Variants in TACR3 observed in about 807,000 individuals in gnomAD.
TACR3 encodes tachykinin receptor 3, also known as neuromedin-K receptor.
A neutral mutation model predicts 35.0 loss-of-function variants in TACR3; 34 were observed. The observed-to-expected ratio is 0.97, with a 90% CI of 0.74 to 1.30. The LOEUF is 1.30. TACR3 is among the 50% of genes most tolerant of loss of function. The pLI, the probability that TACR3 is intolerant of heterozygous loss-of-function variation, is 0.00. For synonymous variants in TACR3, 233 were observed against 221.1 expected (o/e 1.05, Z -0.48); for missense variants, 558 against 591.7 (o/e 0.94, Z 0.59).
At chr4:103,687,706 C>A (rs997002367) in intron 1 of TACR3, among the ~76,000 whole-genome samples, 2 of 152,120 alleles carry the variant, frequency 1.3e-5, no homozygotes, top group African/African-American at 2.4e-5. Flanking sequence ...TGAAGGACCT[C>A]TTCAAGGAGA....
At chr4:103,673,403 T>C (rs769010565) in intron 1 of TACR3, among the ~76,000 whole-genome samples, 4 of 152,260 alleles carry the variant, frequency 2.6e-5, no homozygotes, top group Non-Finnish European at 4.4e-5. Context: ...ATTAATTGGC[T>C]TAATTTCAAC....
At chr4:103,667,979 C>T (rs555755182) in intron 1 of TACR3, among the ~76,000 whole-genome samples, 2 of 152,112 alleles carry the variant, frequency 1.3e-5, no homozygotes, top group South Asian at 4.2e-4. Context: ...GAGGTGTGCC[C>T]CAACACTCCC....
intron 1 of TACR3, among the ~76,000 whole-genome samples, chr4:103,705,432 C>G (rs1482238477): frequency 6.6e-6 from 1 of 152,020 alleles, no homozygotes; most frequent in African/African-American, 2.4e-5. Context: ...TATGTTCAAA[C>G]CAGTATGACA....
At chr4:103,591,916 C>A (rs1723905883) in intron 3 of TACR3, among the ~76,000 whole-genome samples, 1 of 152,152 alleles carries the variant, frequency 6.6e-6, no homozygotes, top group Non-Finnish European at 1.5e-5. Context: ...GTAGTGCTAA[C>A]TCAAACACGG....
At chr4:103,671,843 T>C (rs544143917) in intron 1 of TACR3, among the ~76,000 whole-genome samples, 1 of 152,152 alleles carries the variant, frequency 6.6e-6, no homozygotes, top group African/African-American at 2.4e-5. Context: ...AATAATGAAG[T>C]TTACCACATC....
chr4:103,699,015 C>T (rs1345483908), intron 1 of TACR3, among the ~76,000 whole-genome samples: 2 of 152,164 alleles, frequency 1.3e-5, no homozygotes, highest in Non-Finnish European at 2.9e-5. Flanking sequence ...TAAATACACT[C>T]TCACTTGTTA....
chr4:103,702,139 G>C (rs977835148), intron 1 of TACR3, among the ~76,000 whole-genome samples: 1 of 152,082 alleles, frequency 6.6e-6, no homozygotes, highest in Non-Finnish European at 1.5e-5. Context: ...GAAAATTTTC[G>C]CAACTTACTC....
intron 1 of TACR3, among the ~76,000 whole-genome samples, chr4:103,673,031 C>T (rs1726086709): frequency 6.6e-6 from 1 of 152,160 alleles, no homozygotes; most frequent in Non-Finnish European, 1.5e-5. Context: ...GCTTCTTCAA[C>T]TCTTTGAGCT....
intron 1 of TACR3, among the ~76,000 whole-genome samples, chr4:103,661,081 A>G (rs1015739795): frequency 1.1e-4 from 17 of 152,044 alleles, no homozygotes; most frequent in African/African-American, 4.1e-4. Flanking sequence ...CAAAGACAAT[A>G]TAGATACAGA....
At chr4:103,602,533 T>A (rs1724233921) in intron 3 of TACR3, among the ~76,000 whole-genome samples, 1 of 152,120 alleles carries the variant, frequency 6.6e-6, no homozygotes, top group African/African-American at 2.4e-5. Context: ...CCACCTTTGA[T>A]CTTTGATGAT....
intron 2 of TACR3, among the ~76,000 whole-genome samples, chr4:103,657,508 A>C (rs909467858): frequency 6.6e-6 from 1 of 152,084 alleles, no homozygotes; most frequent in Non-Finnish European, 1.5e-5. Flanking sequence ...ACTGCTTTAA[A>C]TGGCAACCAT....
At chr4:103,613,447 G>A (rs757987356) in intron 3 of TACR3, among the ~76,000 whole-genome samples, 22 of 151,792 alleles carry the variant, frequency 1.4e-4, no homozygotes, top group Non-Finnish European at 2.8e-4. Flanking sequence ...AACTTCCCGA[G>A]TAGCTGGGAT....
chr4:103,597,966 C>A (rs1724080496), intron 3 of TACR3, among the ~76,000 whole-genome samples: 1 of 152,056 alleles, frequency 6.6e-6, no homozygotes, highest in Admixed American at 6.6e-5. Context: ...GGGGATATAC[C>A]CAGTAATGGG....
intron 3 of TACR3, among the ~76,000 whole-genome samples, chr4:103,620,598 A>C (rs1208252171): frequency 6.6e-6 from 1 of 152,238 alleles, no homozygotes; most frequent in African/African-American, 2.4e-5. Context: ...CTTTGCAGGG[A>C]CATGGATGAT....
chr4:103,681,412 A>G (rs529328001), intron 1 of TACR3, among the ~76,000 whole-genome samples: 229 of 152,190 alleles, frequency 1.5e-3, no homozygotes, highest in Admixed American at 3.0e-3. Flanking sequence ...GAAATCATAG[A>G]TCATAAAATT....
Position 103,589,489 on chromosome 4 carries a change from T to C in TACR3, c.*193A>G, listed in dbSNP as rs916335384. 1.4e-5 allele frequency: 8 copies of C among 585,018 alleles called. No individual in the cohort carries two copies. The highest frequency in any genetic ancestry group is 3.0e-6 in the Non-Finnish European group (1 of 337,382). The allele number at this position is 585,018 out of a possible 1,614,324, so 36.2% of individuals were successfully genotyped here. ...GAATAAATTTAAAGCCCATTTTATTTTGGGTGGAGGCTAACATGTTATTAG... is the reference window on the plus strand; with the variant it reads ...GAATAAATTTAAAGCCCATTTTATTCTGGGTGGAGGCTAACATGTTATTAG... On this transcript the variant is annotated 3_prime_UTR_variant, in exon 5 of 5. Coordinates refer to ENST00000304883, the MANE Select transcript of TACR3 (RefSeq NM_001059.3).
chr4:103,646,461 TAA>T (rs1725456789), intron 3 of TACR3, among the ~76,000 whole-genome samples: 1 of 152,060 alleles, frequency 6.6e-6, no homozygotes, highest in Admixed American at 6.6e-5. Context: ...TTTATAATTA[TAA>T]TCATTTAAAT....
intron 3 of TACR3, among the ~76,000 whole-genome samples, chr4:103,627,347 T>A (rs1724917843): frequency 9.0e-6 from 1 of 111,316 alleles, no homozygotes; most frequent in South Asian, 2.9e-4. Flanking sequence ...AAACTGTGTT[T>A]CCATTAAAAA....
intron 1 of TACR3, 89 bp downstream of exon 1, chr4:103,719,034 CCGTTA>C: frequency 6.5e-7 from 1 of 1,530,484 alleles, no homozygotes; most frequent in Non-Finnish European, 8.9e-7. Context: ...TTTATAGACC[CCGTTA>C]CGTTACTATT....
Sources: allele counts gnomAD v4.1 joint callset (sites outside exome capture counted in the v4.1 genomes callset), GRCh38; gene constraint gnomAD v4.1.1; transcripts MANE v1.5; gene names NCBI Gene and HGNC (gene_info 2026-07-23, HGNC 2026-07-21).